Variants in CDKN2B-AS1 observed in about 807,000 individuals in gnomAD.
CDKN2B-AS1 encodes CDKN2B antisense RNA 1 (non-protein coding).
At chr9:22,007,571 A>T (rs1255572696) in intron 1 of CDKN2B-AS1, among the ~76,000 whole-genome samples, 5 of 152,148 alleles carry the variant, frequency 3.3e-5, no homozygotes, top group Non-Finnish European at 5.9e-5. Context: ...GTTATTTGTT[A>T]TGGGTTTATG....
chr9:22,079,586 T>G lies in CDKN2B-AS1; in HGVS notation n.438+23199T>G, dbSNP rs542550508. ...TCCTGTCCTGGGTGAGGGAACAACT[T>G]GTGGAAAAGTGAATTGAGGCTTATC... On this transcript the variant is annotated intron_variant and non_coding_transcript_variant, in intron 4 of 4. Transcript: ENST00000650946. Among the ~76,000 whole-genome samples, 241 of 151,956 alleles carry G rather than the reference T, an allele frequency of 1.6e-3. 8 individuals are homozygous for G. The South Asian group carries it at 0.048, about 30-fold the overall frequency.
At chr9:22,019,506 A>G (rs916837940) in intron 1 of CDKN2B-AS1, among the ~76,000 whole-genome samples, 1 of 152,136 alleles carries the variant, frequency 6.6e-6, no homozygotes, top group African/African-American at 2.4e-5. Flanking sequence ...TTACAATGAG[A>G]GAGGTTGGTG....
chr9:22,062,580 T>A (rs1344505689), intron 4 of CDKN2B-AS1, among the ~76,000 whole-genome samples: 1 of 152,150 alleles, frequency 6.6e-6, no homozygotes, highest in African/African-American at 2.4e-5. Context: ...CTTACATGAT[T>A]CCAAGAGTCT....
intron 1 of CDKN2B-AS1, among the ~76,000 whole-genome samples, chr9:22,037,773 G>A (rs557146639): frequency 6.6e-6 from 1 of 151,818 alleles, no homozygotes; most frequent in Non-Finnish European, 1.5e-5. Context: ...CAAGGTATTT[G>A]GATTAATTTA....
chr9:22,068,490 A>G (rs1201559663), intron 4 of CDKN2B-AS1, among the ~76,000 whole-genome samples: 2 of 152,198 alleles, frequency 1.3e-5, no homozygotes, highest in African/African-American at 4.8e-5. Flanking sequence ...CAGATGAGAC[A>G]CTATGTACCA....
chr9:22,003,458 C>T (rs1448971910), intron 1 of CDKN2B-AS1: 1 of 227,180 alleles, frequency 4.4e-6, no homozygotes, highest in Non-Finnish European at 8.7e-6. Context: ...TTTTCATGAC[C>T]CAGTATAATG....
chr9:22,082,866 C>T (rs762111473), intron 4 of CDKN2B-AS1, among the ~76,000 whole-genome samples: 2 of 151,810 alleles, frequency 1.3e-5, no homozygotes, highest in African/African-American at 2.4e-5. Context: ...GTGTAAGCCA[C>T]GGAAAGAAAT....
rs945192056 is a variant in CDKN2B-AS1 at position 22,126,361 on chromosome 9, T to C, written n.439-742T>C. Among the ~76,000 whole-genome samples, 9 of 152,326 alleles carry C rather than the reference T, an allele frequency of 5.9e-5. 1 individual carries two copies. Among genetic ancestry groups the C allele is most frequent in the East Asian group, 5.8e-4 (3 of 5,182 alleles). On this transcript the variant is annotated intron_variant and non_coding_transcript_variant, in intron 4 of 4. Coordinates refer to ENST00000650946, the Ensembl canonical transcript of CDKN2B-AS1. ...TATCATAGGTGAGAAAATAATTTTT[T>C]ATTATATATTCTTTTGTAGGTTTAT...
chr9:22,020,034 T>C (rs1337413453), intron 1 of CDKN2B-AS1, among the ~76,000 whole-genome samples: 2 of 152,122 alleles, frequency 1.3e-5, no homozygotes, highest in African/African-American at 4.8e-5. Flanking sequence ...ATCTTCCACC[T>C]TCTGATAGGC....
chr9:22,067,559 C>T lies in CDKN2B-AS1; in HGVS notation n.438+11172C>T, dbSNP rs192196908. Among the ~76,000 whole-genome samples, 590 of 151,968 alleles carry T rather than the reference C, an allele frequency of 3.9e-3. 3 individuals carry two copies. The highest frequency in any genetic ancestry group is 0.014 in the African/African-American group (561 of 41,464). ...ACACACGCACGCACACACACACGCA[C>T]GCACACACACACACATGTAGCTACA... is the stretch of plus-strand genomic sequence containing the variant. On this transcript the variant is annotated intron_variant and non_coding_transcript_variant, in intron 4 of 4. Coordinates refer to ENST00000650946, the Ensembl canonical transcript of CDKN2B-AS1.
At chr9:22,107,036 T>C (rs1368833810) in intron 4 of CDKN2B-AS1, among the ~76,000 whole-genome samples, 3 of 152,206 alleles carry the variant, frequency 2.0e-5, no homozygotes, top group African/African-American at 7.2e-5. Flanking sequence ...CAGATGCCAC[T>C]AAAACTTTTT....
chr9:22,018,731 A>C (rs190890862), intron 1 of CDKN2B-AS1, among the ~76,000 whole-genome samples: 1 of 152,334 alleles, frequency 6.6e-6, no homozygotes. Context: ...ATTTCAATCT[A>C]CTTTTACTTC....
intron 2 of CDKN2B-AS1, among the ~76,000 whole-genome samples, chr9:22,047,997 G>T: frequency 6.6e-6 from 1 of 150,480 alleles, no homozygotes; most frequent in African/African-American, 2.5e-5. Flanking sequence ...TTTTCAACAT[G>T]TTGCCTAGGC....
rs565069415 is a variant in CDKN2B-AS1, at chr9:22,070,012, C to A, written n.438+13625C>A. On this transcript the variant is annotated intron_variant and non_coding_transcript_variant, in intron 4 of 4. Transcript: ENST00000650946. ...ATGTGCGTTATCTAATACTTAGGTG[C>A]CTCAGATTTAATGGTGGTAAATCTC... is the stretch of plus-strand genomic sequence containing the variant. Among the ~76,000 whole-genome samples, 3 of 152,188 alleles carry A rather than the reference C, an allele frequency of 2.0e-5. No individual in the cohort carries two copies. In the East Asian group the frequency reaches 5.8e-4, roughly 29 times the overall value.
In CDKN2B-AS1 at chr9:22,005,943, G is replaced by C. The variant is rs1821151397; in HGVS notation, n.29+10782G>C. 3 of 1,595,720 alleles carry C rather than the reference G, an allele frequency of 1.9e-6. No homozygotes were observed. Among genetic ancestry groups the C allele is most frequent in the Non-Finnish European group, 2.5e-6 (3 of 1,178,646 alleles). On this transcript the variant is annotated intron_variant and non_coding_transcript_variant, in intron 1 of 4. Coordinates refer to ENST00000650946, the Ensembl canonical transcript of CDKN2B-AS1. The surrounding 1 kb of genome is among the most constrained non-coding windows in gnomAD (Gnocchi z 4.9). ...ATTAGGTGGGTGGGGGTGGGAAATT[G>C]GGTAAGAAAATAAAGTCGTTGTGGG... is the stretch of plus-strand genomic sequence containing the variant.
chr9:22,019,531 G>C (rs1216861866), intron 1 of CDKN2B-AS1, among the ~76,000 whole-genome samples: 1 of 152,150 alleles, frequency 6.6e-6, no homozygotes, highest in East Asian at 1.9e-4. Context: ...TGGTCACCAA[G>C]GTAGGGAATG....
rs553123325 is a variant in CDKN2B-AS1 at position 22,041,094 on chromosome 9, A to G, written n.30-5657A>G. 2.0e-5 allele frequency among the ~76,000 whole-genome samples: 3 copies of G among 152,194 alleles called. No homozygotes were observed. In the South Asian group the frequency reaches 6.2e-4, roughly 32 times the overall value. The stretch of plus-strand genomic sequence containing the variant: ...GCCTGCAAAAGTAAAAATTTCCATG[A>G]AAACAGAAAACAAATGTACCAGAAA... On this transcript the variant is annotated intron_variant and non_coding_transcript_variant, in intron 1 of 4. Coordinates refer to ENST00000650946, the Ensembl canonical transcript of CDKN2B-AS1.
chr9:22,064,912 A>G (rs1823977264), intron 4 of CDKN2B-AS1, among the ~76,000 whole-genome samples: 1 of 152,214 alleles, frequency 6.6e-6, no homozygotes, highest in South Asian at 2.1e-4. Context: ...TGAGGATTTA[A>G]TGCAATTGTT....
chr9:22,084,630 GT>G (rs1421741317), intron 4 of CDKN2B-AS1, among the ~76,000 whole-genome samples: 4 of 152,116 alleles, frequency 2.6e-5, no homozygotes, highest in Non-Finnish European at 5.9e-5. Flanking sequence ...CTCCCAAATT[GT>G]TTTGTGGGGC....
Sources: allele counts gnomAD v4.1 joint callset (sites outside exome capture counted in the v4.1 genomes callset), GRCh38; gene constraint gnomAD v4.1.1; non-coding constraint Gnocchi (gnomAD v3.1); transcripts MANE v1.5; gene names NCBI Gene and HGNC (gene_info 2026-07-23, HGNC 2026-07-21).